The following CFAP44 variants were observed in gnomAD, a reference collection of about 807,000 sequenced individuals.
CFAP44 encodes the protein cilia and flagella associated protein 44.
CFAP44 carries 134 observed loss-of-function variants against 216.2 expected under a neutral mutation model. The observed-to-expected ratio is 0.62, with a 90% CI of 0.54 to 0.72. CFAP44 has a LOEUF of 0.72. Among genes scored for constraint, CFAP44 ranks in the 30% least tolerant of loss-of-function variants. The probability of loss-of-function intolerance (pLI) is 0.00; values close to 1 mark genes in which losing one functional copy is unlikely to be tolerated. For synonymous variants in CFAP44, 700 were observed against 727.6 expected, an observed-to-expected ratio of 0.96 and a Z score of 0.61; for missense variants, 2,035 against 2,182.1, an observed-to-expected ratio of 0.93 and a Z score of 1.34.
At chr3:113,426,501 C>T (rs1017759804) in intron 3 of CFAP44, among the ~76,000 whole-genome samples, 1 of 152,170 alleles carries the variant, frequency 6.6e-6, no homozygotes, top group South Asian at 2.1e-4. Flanking sequence ...CTTCGCTCTG[C>T]ACTTCTCCTT....
At chr3:113,308,041 A>T in intron 29 of CFAP44, 117 bp downstream of exon 29, 2 of 716,842 alleles carry the variant, frequency 2.8e-6, no homozygotes, top group East Asian at 5.5e-5. Context: ...TATAACATAC[A>T]TTTTGAACTA....
chr3:113,294,864 G>A (rs1456812098), intron 33 of CFAP44, 43 bp from the exon 34 acceptor site: 3 of 1,476,330 alleles, frequency 2.0e-6, no homozygotes, highest in South Asian at 1.4e-5. Flanking sequence ...GTGAATACGA[G>A]AAGAAAGAAA....
chr3:113,422,842 T>C (rs1934853214), intron 4 of CFAP44, among the ~76,000 whole-genome samples: 1 of 152,154 alleles, frequency 6.6e-6, no homozygotes, highest in African/African-American at 2.4e-5. Flanking sequence ...TATCTAATAT[T>C]ATTATCTTTA....
chr3:113,409,721 A>T (rs1323620959), intron 6 of CFAP44, among the ~76,000 whole-genome samples: 3 of 152,296 alleles, frequency 2.0e-5, no homozygotes, highest in Middle Eastern at 6.8e-3. Context: ...AACTCACCAG[A>T]TCAGATAGGT....
At chr3:113,414,201 A>G (rs956358343) in intron 6 of CFAP44, among the ~76,000 whole-genome samples, 2 of 152,152 alleles carry the variant, frequency 1.3e-5, no homozygotes, top group Admixed American at 6.5e-5. Flanking sequence ...ATTTTTGCAC[A>G]TTGATTTTGT....
rs560144495 is a variant in CFAP44, at chr3:113,358,294, G to A, written c.3065+451C>T. The stretch of plus-strand genomic sequence containing the variant: ...AAATTTTCAAGATGTTAAGATTTAC[G>A]TATTTTATGTAAATTATATCTCAGT... On this transcript the variant is annotated intron_variant, in intron 22 of 34. Transcript: ENST00000393845. Among the ~76,000 whole-genome samples the A allele has an allele frequency of 4.0e-4, 61 of 151,770 alleles. 1 individual carries two copies. The South Asian group carries it at 8.8e-3, about 22-fold the overall frequency.
At chr3:113,383,083 G>A (rs549478158) in intron 15 of CFAP44, among the ~76,000 whole-genome samples, 1 of 152,350 alleles carries the variant, frequency 6.6e-6, no homozygotes, top group South Asian at 2.1e-4. Flanking sequence ...ATATAAAGTA[G>A]TTGGGGAAAT....
At chr3:113,419,850 G>A (rs984179261) in intron 5 of CFAP44, among the ~76,000 whole-genome samples, 167 bp downstream of exon 5, 2 of 152,188 alleles carry the variant, frequency 1.3e-5, no homozygotes, top group African/African-American at 2.4e-5. Context: ...ATGAGTGTCT[G>A]TAATAACTGA....
At chr3:113,409,029 AGTCTCCAGCTCTTAGATCCTCTT>A in intron 7 of CFAP44, 54 bp downstream of exon 7, 4 of 710,108 alleles carry the variant, frequency 5.6e-6, no homozygotes, top group African/African-American at 1.9e-5. Flanking sequence ...AAAAAAAAAA[AGTCTCCAGCTCTTAGATCCTCTT>A]AGAAAAATAC....
At chr3:113,441,514 C>T (rs1180381433), upstream of CFAP44, 4 of 985,466 alleles carry the variant, frequency 4.1e-6, 1 homozygote, top group African/African-American at 7.0e-5. Flanking sequence ...TCCGTTTACT[C>T]CGGTTACCGA....
chr3:113,320,507 GATATAC>G (rs1158499125), intron 28 of CFAP44, among the ~76,000 whole-genome samples: 22 of 123,076 alleles, frequency 1.8e-4, no homozygotes, highest in African/African-American at 6.1e-4. Flanking sequence ...TATATATCTA[GATATAC>G]AGTACTTAAT....
At position 113,373,403 on chromosome 3, in the gene CFAP44, C is replaced by T. The variant is rs755718406; in HGVS notation, c.2444+8G>A. ...GGTTTTTTTAAAGCTTTTTGAAATA[C>T]TGCTCACTTGAAAGTGATAGTTTGG... On this transcript the variant is annotated splice_region_variant and intron_variant, in intron 18 of 34. Coordinates refer to ENST00000393845, the MANE Select transcript of CFAP44 (RefSeq NM_001164496.2). 1.3e-6 allele frequency: 2 copies of T among 1,538,582 alleles called. No individual in the cohort carries two copies. Among genetic ancestry groups the T allele is most frequent in the Non-Finnish European group, 1.8e-6 (2 of 1,139,450 alleles).
intron 34 of CFAP44, 35 bp downstream of exon 34, chr3:113,294,652 A>G (rs769693163): frequency 6.7e-7 from 1 of 1,489,162 alleles, no homozygotes; most frequent in South Asian, 1.4e-5. Flanking sequence ...GAGCTTCCTC[A>G]ATTCCGAAAA....
intron 33 of CFAP44, 88 bp downstream of exon 33, chr3:113,296,637 G>A: frequency 6.9e-7 from 1 of 1,444,186 alleles, no homozygotes; most frequent in Non-Finnish European, 9.3e-7. Flanking sequence ...CAGCTACACA[G>A]ATGCTTCATG....
intron 15 of CFAP44, among the ~76,000 whole-genome samples, chr3:113,390,581 T>C (rs1330989066): frequency 6.6e-6 from 1 of 152,132 alleles, no homozygotes; most frequent in African/African-American, 2.4e-5. Flanking sequence ...TATATGATCT[T>C]ATATTTGGTA....
At chr3:113,419,595 A>C (rs934936731) in intron 5 of CFAP44, among the ~76,000 whole-genome samples, 2 of 152,168 alleles carry the variant, frequency 1.3e-5, no homozygotes, top group African/African-American at 4.8e-5. Context: ...TTCCATAGTC[A>C]ATCTATGTCT....
chr3:113,378,255 G>C (rs78084107), intron 17 of CFAP44, among the ~76,000 whole-genome samples: 151 of 152,190 alleles, frequency 9.9e-4, no homozygotes, highest in African/African-American at 3.4e-3. Flanking sequence ...CTTCCTGAAG[G>C]CAGGAACCAT....
chr3:113,365,125 C>T (rs1950575706), intron 19 of CFAP44, among the ~76,000 whole-genome samples: 1 of 151,986 alleles, frequency 6.6e-6, no homozygotes, highest in African/African-American at 2.4e-5. Flanking sequence ...TTTTTCTATC[C>T]AATATGGGTT....
intron 28 of CFAP44, among the ~76,000 whole-genome samples, chr3:113,324,058 A>AAAAG (rs1553753480): frequency 6.6e-6 from 1 of 151,506 alleles, no homozygotes; most frequent in Admixed American, 6.6e-5. Context: ...AAAAAAAAAA[A>AAAAG]AGAGAGAAAT....
Sources: gnomAD v4.1 joint callset for allele counts (sites outside exome capture counted in the v4.1 genomes callset) on GRCh38, gnomAD v4.1.1 for gene constraint, MANE v1.5 for transcripts, NCBI Gene and HGNC (gene_info 2026-07-23, HGNC 2026-07-21) for gene names.